CEP152: variants seen among roughly 807,000 people sequenced by gnomAD.
CEP152 encodes centrosomal protein 152, also known as centrosomal protein of 152 kDa.
CEP152 carries 132 observed loss-of-function variants against 188.9 expected under a neutral mutation model. That is an observed-to-expected ratio of 0.70 (90% CI 0.61 to 0.81). The LOEUF is 0.81. Among genes scored for constraint, CEP152 ranks in the 30% least tolerant of loss-of-function variants. The probability of loss-of-function intolerance (pLI) is 0.00; values close to 1 mark genes in which losing one functional copy is unlikely to be tolerated. For missense variants in CEP152, 1,914 were observed against 1,969.8 expected (o/e 0.97, Z 0.54); for synonymous variants, 649 against 666.6 (o/e 0.97, Z 0.41).
chr15:48,791,673 C>T (rs1372440401), intron 7 of CEP152, among the ~76,000 whole-genome samples: 2 of 152,040 alleles, frequency 1.3e-5, no homozygotes, highest in East Asian at 3.9e-4. Flanking sequence ...CCTGCCACCA[C>T]TCCCAGATAA....
downstream of CEP152, chr15:48,737,856 T>C (rs1024908202): frequency 7.6e-5 from 13 of 171,038 alleles, 1 homozygote; most frequent in South Asian, 1.4e-3. Flanking sequence ...TCAAAATTTA[T>C]GTTTTTTTCT....
chr15:48,760,183 T>C lies in CEP152; in HGVS notation c.2646A>G (p.Ala882=). 6.2e-7 allele frequency: 1 copy of C among 1,614,128 alleles called. No homozygotes were observed. Among genetic ancestry groups the C allele is most frequent in the Non-Finnish European group, 8.5e-7 (1 of 1,179,976 alleles). Residue 882 remains alanine, a synonymous_variant, in exon 19 of 27, where the codon GCA becomes GCG. Coordinates refer to ENST00000380950, the MANE Select transcript of CEP152 (RefSeq NM_001194998.2). ...ELAEYQALVK[A]EQKKWEEQHE... ...GCTGTTCTTCCCACTTTTTCTGTTC[T>C]GCCTTCACAAGTGCTTGATACTCTG... is the stretch of plus-strand genomic sequence containing the variant.
chr15:48,772,459 G>T lies in CEP152; in HGVS notation c.1782+28C>A, dbSNP rs943902306. The T allele has an allele frequency of 5.1e-6, 8 of 1,581,758 alleles. No homozygotes were observed. In the African/African-American group the frequency reaches 8.1e-5, roughly 16 times the overall value. ...TTCTTTATTGAGCCTTTTAAAAATG[G>T]TTTTTTAACTCTATAGGCTTTACAT... is the stretch of plus-strand genomic sequence containing the variant. On this transcript the variant is annotated intron_variant, in intron 13 of 26. Coordinates refer to ENST00000380950, the MANE Select transcript of CEP152 (RefSeq NM_001194998.2).
intron 9 of CEP152, among the ~76,000 whole-genome samples, chr15:48,787,352 G>A (rs187488684): frequency 9.8e-4 from 148 of 151,404 alleles, no homozygotes; most frequent in Middle Eastern, 6.8e-3. Context: ...TTTTTTCTTC[G>A]TAAAGACAAG....
chr15:48,749,192 T>C (rs1456111417), intron 21 of CEP152, among the ~76,000 whole-genome samples: 3 of 151,866 alleles, frequency 2.0e-5, no homozygotes, highest in Admixed American at 6.6e-5. Context: ...GGTAAGTGGG[T>C]TGGTAAGTAG....
At chr15:48,802,089 CAAA>C (rs74528148) in intron 2 of CEP152, among the ~76,000 whole-genome samples, 4 of 98,882 alleles carry the variant, frequency 4.0e-5, no homozygotes, top group Admixed American at 1.1e-4. Flanking sequence ...GACTCCATCT[CAAA>C]AAAAAAAAAA....
Position 48,788,783 on chromosome 15 carries a change from A to G in CEP152, c.1173+18T>C, listed in dbSNP as rs747109608. On this transcript the variant is annotated intron_variant, in intron 9 of 26. Transcript: ENST00000380950. ...CTTTACTTGTTGATAACAGTTGCTC[A>G]TTTGAAATCATCCCAACCTGTTCTT... 2 of 1,610,746 alleles carry G rather than the reference A, an allele frequency of 1.2e-6. No homozygotes were observed. The highest frequency in any genetic ancestry group is 1.7e-6 in the Non-Finnish European group (2 of 1,176,902).
chr15:48,794,691 GATACAA>G (rs1284261743), intron 6 of CEP152, among the ~76,000 whole-genome samples: 2 of 152,204 alleles, frequency 1.3e-5, no homozygotes, highest in African/African-American at 2.4e-5. Flanking sequence ...AAGACCAGGA[GATACAA>G]ATACAACTTT....
rs148506610 is a variant in CEP152 at position 48,748,104 on chromosome 15, T to G, written c.3634+339A>C. On this transcript the variant is annotated intron_variant, in intron 22 of 26. Coordinates refer to ENST00000380950, the MANE Select transcript of CEP152 (RefSeq NM_001194998.2). ...AGATCTCCTCACTTAACCAAAAGCT[T>G]CTTGAAGGAAGGGAACACATCTCCA... 2.0e-4 allele frequency among the ~76,000 whole-genome samples: 31 copies of G among 152,250 alleles called. No homozygotes were observed. The East Asian group carries it at 6.0e-3, about 29-fold the overall frequency.
At position 48,762,614 on chromosome 15, in the gene CEP152, G is replaced by T; in HGVS notation, c.2339C>A (p.Thr780Asn). The T allele has an allele frequency of 6.2e-7, 1 of 1,613,918 alleles. No individual in the cohort carries two copies. The highest frequency in any genetic ancestry group is 2.2e-5 in the East Asian group (1 of 44,852). Residue 780 changes from threonine (T) to asparagine (N), a missense_variant, in exon 18 of 27, where the codon ACT becomes AAT. Coordinates refer to ENST00000380950, the MANE Select transcript of CEP152 (RefSeq NM_001194998.2). ...EKEWQSKLDQ[T>N]IKAMKKKTLD... ...GGTCTTCTTTTTCATTGCCTTTATA[G>T]TTTGATCCAGCTTAGACTGCCACTC...
chr15:48,749,102 A>T (rs926847619), intron 21 of CEP152, among the ~76,000 whole-genome samples: 2 of 152,164 alleles, frequency 1.3e-5, no homozygotes, highest in African/African-American at 4.8e-5. Context: ...TTTGAGCACT[A>T]ATGAAATATA....
chr15:48,736,637 C>T (rs937592873), downstream of CEP152, among the ~76,000 whole-genome samples: 3 of 152,168 alleles, frequency 2.0e-5, no homozygotes, highest in African/African-American at 4.8e-5. Flanking sequence ...CCCTATACCA[C>T]ACCCTATCTC....
intron 12 of CEP152, 41 bp downstream of exon 12, chr15:48,781,155 T>A: frequency 6.4e-7 from 1 of 1,550,752 alleles, no homozygotes; most frequent in Non-Finnish European, 8.9e-7. Flanking sequence ...GCATTACTAA[T>A]GTTGGTTCTT....
intron 8 of CEP152, among the ~76,000 whole-genome samples, chr15:48,789,486 C>G (rs1567021001): frequency 6.6e-6 from 1 of 152,234 alleles, no homozygotes; most frequent in Non-Finnish European, 1.5e-5. Flanking sequence ...TAGGCAAAAT[C>G]ATAGCCCTCC....
Position 48,766,301 on chromosome 15 carries a change from A to T in CEP152, c.2280+759T>A, listed in dbSNP as rs1163093129. Among the ~76,000 whole-genome samples, 7 of 152,350 alleles carry T rather than the reference A, an allele frequency of 4.6e-5. No homozygotes were observed. In the East Asian group the frequency reaches 1.4e-3, roughly 29 times the overall value. On this transcript the variant is annotated intron_variant, in intron 17 of 26. Transcript: ENST00000380950. ...GTATAGAACATTTATTTAAGCATTTAAAAATATTTTCTAATCTTGAGGCAG... is the reference window on the plus strand; with the variant it reads ...GTATAGAACATTTATTTAAGCATTTTAAAATATTTTCTAATCTTGAGGCAG...
chr15:48,730,023 C>G (rs1376905734), intron 2 of CEP152, among the ~76,000 whole-genome samples: 2 of 151,410 alleles, frequency 1.3e-5, no homozygotes, highest in Admixed American at 6.6e-5. Flanking sequence ...TACTACAAAA[C>G]TGAAAAAAGA....
In CEP152 at chr15:48,768,326, T is replaced by G; in HGVS notation, c.1911A>C (p.Glu637Asp). ...EIQVLQQQNQ[E>D]LKETEGKLRN... ...TCAGTTTTCCTTCAGTTTCTTTAAG[T>G]TCCTAGACACAAAAGAATAAACTTA... The change falls in exon 15 of 27, where the codon GAA (glutamate) becomes GAC (aspartate). Residue 637 changes from glutamate (E) to aspartate (D), a missense_variant and splice_region_variant. Physicochemically the swap from Glu to Asp is conservative, Grantham distance 45. Transcript: ENST00000380950. 1 of 1,509,682 alleles carries G rather than the reference T, an allele frequency of 6.6e-7. No homozygotes were observed. Among genetic ancestry groups the G allele is most frequent in the South Asian group, 1.1e-5 (1 of 88,834 alleles). The allele number at this position is 1,509,682 out of a possible 1,614,324, so 93.5% of individuals were successfully genotyped here.
Position 48,741,640 on chromosome 15 carries a change from G to A in CEP152, c.4054C>T (p.Pro1352Ser), listed in dbSNP as rs1358960917. The part of the protein sequence containing the change: ...LATMAKLLET[P>S]ISSKSQSKTT... ...TTGCTTTGGGACTTACTAGAAATAG[G>A]TGTTTCCAGTAATTTTGCCATTGTA... is the stretch of plus-strand genomic sequence containing the variant. The change falls in exon 26 of 27, where the codon CCT (proline) becomes TCT (serine). Residue 1352 changes from proline (P) to serine (S), a missense_variant. Pro to Ser is a moderately conservative substitution (Grantham distance 74, BLOSUM62 -1). Transcript: ENST00000380950. 1 of 1,614,098 alleles carries A rather than the reference G, an allele frequency of 6.2e-7. No individual in the cohort carries two copies. Among genetic ancestry groups the A allele is most frequent in the Non-Finnish European group, 8.5e-7 (1 of 1,179,998 alleles).
intron 10 of CEP152, 62 bp downstream of exon 10, chr15:48,783,911 T>C (rs1896445188): frequency 1.3e-6 from 2 of 1,573,552 alleles, no homozygotes; most frequent in Admixed American, 1.7e-5. Flanking sequence ...TGGATCCTAC[T>C]ACATTCTTTC....
Sources: gnomAD v4.1 joint callset for allele counts (sites outside exome capture counted in the v4.1 genomes callset) on GRCh38, gnomAD v4.1.1 for gene constraint, MANE v1.5 for transcripts, NCBI Gene and HGNC (gene_info 2026-07-23, HGNC 2026-07-21) for gene names.